MYO1F: variants seen among roughly 807,000 people sequenced by gnomAD.
The protein encoded by MYO1F is unconventional myosin-If.
In MYO1F, 60 loss-of-function variants were observed where a neutral mutation model predicts 146.6. The ratio of observed to expected loss-of-function variants is 0.41; its 90% CI spans 0.33 to 0.51. The LOEUF (loss-of-function observed/expected upper bound fraction) is 0.51. MYO1F is among the 20% of genes least tolerant of loss of function. The pLI is 0.25. For synonymous variants in MYO1F, 602 were observed against 602.1 expected (o/e 1.00, Z 0.00); for missense variants, 1,274 against 1,534.3 (o/e 0.83, Z 2.83).
At chr19:8,572,092 C>T (rs782624405) in intron 1 of MYO1F, among the ~76,000 whole-genome samples, 1 of 152,136 alleles carries the variant, frequency 6.6e-6, no homozygotes, top group Non-Finnish European at 1.5e-5. Flanking sequence ...TGCTGACAGT[C>T]GGTGGCTACC....
chr19:8,566,333 A>G (rs1228339750), intron 1 of MYO1F, among the ~76,000 whole-genome samples: 1 of 150,400 alleles, frequency 6.6e-6, no homozygotes, highest in Non-Finnish European at 1.5e-5. Context: ...ATGCCCAGCT[A>G]ATTTTTTGTA....
Position 8,541,936 on chromosome 19 carries a change from T to G in MYO1F, c.1580A>C (p.Asp527Ala). Reference protein sequence around the residue: ...CERNRDVLFSDLIELMQTSEQ... With the variant: ...CERNRDVLFSALIELMQTSEQ... ...ACTGGTCTGCATCAGCTCTATGAGGTCGGAGAAGAGAACGTCTCGGTTCCT... is the reference window on the plus strand; with the variant it reads ...ACTGGTCTGCATCAGCTCTATGAGGGCGGAGAAGAGAACGTCTCGGTTCCT... The change falls in exon 15 of 28, where the codon GAC becomes GCC. Residue 527 changes from aspartate (D) to alanine (A), a missense_variant. Around this residue, in one of 2 missense-constraint regions of MYO1F, gnomAD observed 900 missense variants for 1,155.1 expected, o/e 0.78. Transcript: ENST00000644032. The G allele has an allele frequency of 6.2e-7, 1 of 1,613,444 alleles. No homozygotes were observed. The highest frequency in any genetic ancestry group is 1.1e-5 in the South Asian group (1 of 91,060).
At chr19:8,533,621 T>G (rs1599928838) in intron 19 of MYO1F, among the ~76,000 whole-genome samples, 1 of 151,918 alleles carries the variant, frequency 6.6e-6, no homozygotes, top group African/African-American at 2.4e-5. Context: ...CCTCCCAAAG[T>G]GCTGGGAATT....
chr19:8,558,798 A>G (rs1304630147), intron 1 of MYO1F, among the ~76,000 whole-genome samples: 1 of 152,118 alleles, frequency 6.6e-6, no homozygotes, highest in Non-Finnish European at 1.5e-5. Context: ...TCTCTGTCAA[A>G]TGAACAGGGG....
chr19:8,560,800 A>G (rs527450929), intron 1 of MYO1F, among the ~76,000 whole-genome samples: 10 of 146,444 alleles, frequency 6.8e-5, no homozygotes, highest in African/African-American at 1.5e-4. Context: ...GCGCAGTGGC[A>G]CGATCTCGGC....
At position 8,543,762 on chromosome 19, in the gene MYO1F, G is replaced by C. The variant is rs201068411; in HGVS notation, c.1524+535C>G. Reference sequence around the variant, plus strand: ...GGTGGTGCTGGTGGTGGTGGTGGTGGTGGTGCTGGTGGTGCTGGTGGTGCT... The same window carrying C: ...GGTGGTGCTGGTGGTGGTGGTGGTGCTGGTGCTGGTGGTGCTGGTGGTGCT... On this transcript the variant is annotated intron_variant, in intron 14 of 27. Transcript: ENST00000644032. 6.4e-4 allele frequency among the ~76,000 whole-genome samples: 6 copies of C among 9,358 alleles called. 1 individual carries two copies. The highest frequency in any genetic ancestry group is 1.9e-3 in the African/African-American group (3 of 1,608). The allele number at this position is 9,358 out of a possible 152,430, so 6.1% of individuals were successfully genotyped here. A position where few individuals can be genotyped will look rare whatever the true frequency, so the allele number is the denominator to read the frequency against.
Position 8,521,514 on chromosome 19 carries a change from T to C in MYO1F, c.*14A>G, listed in dbSNP as rs1365909043. On this transcript the variant is annotated 3_prime_UTR_variant, in exon 28 of 28. Coordinates refer to ENST00000644032, the MANE Select transcript of MYO1F (RefSeq NM_012335.4). Reference sequence around the variant, plus strand: ...TAGGCGGGCGAAAGAGAAGGCAGTATCCCAGGGCCCAGCTCAGATCTTCTC... The same window carrying C: ...TAGGCGGGCGAAAGAGAAGGCAGTACCCCAGGGCCCAGCTCAGATCTTCTC... The C allele has an allele frequency of 1.7e-5, 27 of 1,612,848 alleles. No homozygotes were observed. Among genetic ancestry groups the C allele is most frequent in the Non-Finnish European group, 1.9e-5 (23 of 1,179,560 alleles).
intron 14 of MYO1F, 54 bp from the exon 15 acceptor site, chr19:8,542,045 G>A (rs1972997962): frequency 2.8e-6 from 4 of 1,432,592 alleles, no homozygotes; most frequent in Non-Finnish European, 3.9e-6. Context: ...GGCTGGGAGG[G>A]TGGGCGTGGG....
chr19:8,542,016 G>T, intron 14 of MYO1F, 25 bp from the exon 15 acceptor site: 1 of 1,598,378 alleles, frequency 6.3e-7, no homozygotes, highest in Non-Finnish European at 8.6e-7. Flanking sequence ...GCTGAGGACA[G>T]TGAGGGACTG....
rs1198387551 is a variant in MYO1F at position 8,525,569 on chromosome 19, G to A, written c.2771-7C>T. 6.2e-7 allele frequency: 1 copy of A among 1,612,000 alleles called. No individual in the cohort carries two copies. Among genetic ancestry groups the A allele is most frequent in the Non-Finnish European group, 8.5e-7 (1 of 1,179,134 alleles). On this transcript the variant is annotated splice_polypyrimidine_tract_variant and splice_region_variant and intron_variant, in intron 24 of 27. Transcript: ENST00000644032. ...ATTCCCTTCCGCGTAGGCTCTGAAA[G>A]AAGAGTGTCAGGGAGTTGAATGACA... is the stretch of plus-strand genomic sequence containing the variant.
At chr19:8,561,550 C>T (rs1031570780) in intron 1 of MYO1F, among the ~76,000 whole-genome samples, 4 of 142,022 alleles carry the variant, frequency 2.8e-5, no homozygotes, top group Non-Finnish European at 6.1e-5. Context: ...TCTTTCTTTC[C>T]CTCCCTCCCC....
chr19:8,522,804 G>T lies in MYO1F; in HGVS notation c.2880C>A (p.Pro960=). Residue 960 remains proline (P), a synonymous_variant, in exon 26 of 28, where the codon CCC becomes CCA. Transcript: ENST00000644032. The stretch of plus-strand genomic sequence containing the variant: ...GGGGCAGGGGGCCCCCTCTGGCAGA[G>T]GGGGGCACCCCATTGCGATCCATGC... The part of the protein sequence containing the change: ...PRGMDRNGVP[P]SARGGPLPLE... The T allele has an allele frequency of 6.3e-7, 1 of 1,587,348 alleles. No individual in the cohort carries two copies. Among genetic ancestry groups the T allele is most frequent in the Non-Finnish European group, 8.5e-7 (1 of 1,169,698 alleles).
At chr19:8,573,637 G>A (rs2042150571) in intron 1 of MYO1F, among the ~76,000 whole-genome samples, 1 of 152,140 alleles carries the variant, frequency 6.6e-6, no homozygotes, top group African/African-American at 2.4e-5. Flanking sequence ...ATCACTTGAG[G>A]TTAGGAGTTG....
rs1335184271 is a variant in MYO1F, at chr19:8,574,577, T to TTCTTTCTC, written c.3+2729_3+2730insGAGAAAGA. ...TTTCTTTCTTTCTTTCTTTCTTTCTTTCTCTCTCTCTCTCTCTCTCTTTCT... is the reference window on the plus strand; with the variant it reads ...TTTCTTTCTTTCTTTCTTTCTTTCTTTCTTTCTCTCTCTCTCTCTCTCTCTCTCTTTCT... On this transcript the variant is annotated intron_variant, in intron 1 of 27. Coordinates refer to ENST00000644032, the MANE Select transcript of MYO1F (RefSeq NM_012335.4). Among the ~76,000 whole-genome samples, 324 of 79,690 alleles carry TTCTTTCTC rather than the reference T, an allele frequency of 4.1e-3. 5 individuals are homozygous for TTCTTTCTC. Among genetic ancestry groups the TTCTTTCTC allele is most frequent in the South Asian group, 6.7e-3 (14 of 2,076 alleles). The allele number at this position is 79,690 out of a possible 152,430, so 52.3% of individuals were successfully genotyped here.
intron 24 of MYO1F, 125 bp downstream of exon 24, chr19:8,526,326 TAA>T: frequency 7.0e-7 from 1 of 1,438,252 alleles, no homozygotes; most frequent in Non-Finnish European, 9.4e-7. Flanking sequence ...GACTCCGTCT[TAA>T]AAAAACCACA....
chr19:8,556,492 A>AAGAAAGAAAGAAAG (rs1484955032), intron 1 of MYO1F, among the ~76,000 whole-genome samples: 1 of 130,834 alleles, frequency 7.6e-6, no homozygotes, highest in Non-Finnish European at 1.5e-5. Flanking sequence ...AAAAGAAAGA[A>AAGAAAGAAAGAAAG]AGAAAGAAAG....
At chr19:8,551,519 T>G in intron 8 of MYO1F, 10 of 552,248 alleles carry the variant, frequency 1.8e-5, no homozygotes, top group African/African-American at 3.8e-5. Flanking sequence ...ATCTGGCTAA[T>G]TTTTGTATTT....
chr19:8,550,424 T>C, intron 9 of MYO1F, 68 bp from the exon 10 acceptor site: 1 of 1,585,488 alleles, frequency 6.3e-7, no homozygotes, highest in Non-Finnish European at 8.6e-7. Flanking sequence ...TGCATGGGCC[T>C]CCTATTATCC....
chr19:8,568,084 C>G (rs1293320840), intron 1 of MYO1F, among the ~76,000 whole-genome samples: 2 of 152,184 alleles, frequency 1.3e-5, no homozygotes. Context: ...TATCCTGCCC[C>G]AGGCACTAGA....
Sources: allele counts gnomAD v4.1 joint callset (sites outside exome capture counted in the v4.1 genomes callset), GRCh38; gene constraint gnomAD v4.1.1; regional missense constraint gnomAD v4.1.1; transcripts MANE v1.5; gene names NCBI Gene and HGNC (gene_info 2026-07-23, HGNC 2026-07-21).